Variants in SGCZ observed in about 807,000 individuals in gnomAD.
The protein encoded by SGCZ is sarcoglycan zeta.
SGCZ carries 40 observed loss-of-function variants against 41.3 expected under a neutral mutation model. The observed-to-expected ratio is 0.97, with a 90% CI of 0.75 to 1.26. The LOEUF (loss-of-function observed/expected upper bound fraction) is 1.26. Ranked by LOEUF, SGCZ falls within the 50% of genes most tolerant of loss-of-function variation. The pLI is 0.00. For missense variants in SGCZ, 552 were observed against 369.8 expected, an observed-to-expected ratio of 1.49 and a Z score of -4.04; for synonymous variants, 206 against 137.5, an observed-to-expected ratio of 1.50 and a Z score of -3.49.
intron 2 of SGCZ, among the ~76,000 whole-genome samples, chr8:14,427,591 C>T (rs779721257): frequency 9.9e-5 from 15 of 152,160 alleles, no homozygotes; most frequent in Non-Finnish European, 1.9e-4. Flanking sequence ...TACTAGACCC[C>T]TCCATCTTTT....
chr8:14,889,428 C>G (rs1804930094), intron 1 of SGCZ, among the ~76,000 whole-genome samples: 1 of 152,000 alleles, frequency 6.6e-6, no homozygotes, highest in East Asian at 1.9e-4. Context: ...TTAGATAATC[C>G]TGAAACAGGA....
At chr8:15,091,028 G>C (rs1052120737) in intron 1 of SGCZ, among the ~76,000 whole-genome samples, 3 of 152,068 alleles carry the variant, frequency 2.0e-5, no homozygotes, top group African/African-American at 7.2e-5. Context: ...TACATATTTA[G>C]AATGAAAATG....
intron 1 of SGCZ, among the ~76,000 whole-genome samples, chr8:14,687,547 G>C (rs1419847236): frequency 6.6e-6 from 1 of 151,736 alleles, no homozygotes; most frequent in Non-Finnish European, 1.5e-5. Context: ...TGGCTGCATA[G>C]TATTCCATGG....
At chr8:14,869,359 G>T (rs1414750425) in intron 1 of SGCZ, among the ~76,000 whole-genome samples, 1 of 152,134 alleles carries the variant, frequency 6.6e-6, no homozygotes, top group Non-Finnish European at 1.5e-5. Context: ...CTCAATAGAT[G>T]CAGAAAAATC....
chr8:15,031,052 C>G (rs1803641614), intron 1 of SGCZ, among the ~76,000 whole-genome samples: 1 of 151,932 alleles, frequency 6.6e-6, no homozygotes, highest in Non-Finnish European at 1.5e-5. Flanking sequence ...TTTAGATTCT[C>G]AAATCATATT....
intron 1 of SGCZ, among the ~76,000 whole-genome samples, chr8:15,152,125 A>T (rs1215930118): frequency 6.6e-6 from 1 of 152,208 alleles, no homozygotes; most frequent in Admixed American, 6.6e-5. Context: ...TTAAAAACTG[A>T]GATGTCCTGA....
chr8:14,165,667 T>G (rs916158902), intron 4 of SGCZ, among the ~76,000 whole-genome samples: 1 of 152,156 alleles, frequency 6.6e-6, no homozygotes, highest in African/African-American at 2.4e-5. Context: ...TCTTATCAGA[T>G]AGAACCCAGC....
chr8:14,882,871 C>T (rs918335704), intron 1 of SGCZ, among the ~76,000 whole-genome samples: 4 of 152,002 alleles, frequency 2.6e-5, no homozygotes, highest in African/African-American at 9.7e-5. Context: ...TTGTTATGTT[C>T]TCCCTCCTTC....
At chr8:14,774,783 T>C (rs1470465912) in intron 1 of SGCZ, among the ~76,000 whole-genome samples, 1 of 152,194 alleles carries the variant, frequency 6.6e-6, no homozygotes, top group Non-Finnish European at 1.5e-5. Flanking sequence ...TGAACAAGTA[T>C]TACTATCCTT....
intron 1 of SGCZ, among the ~76,000 whole-genome samples, chr8:14,718,977 A>G (rs1168650058): frequency 2.1e-5 from 3 of 145,336 alleles, no homozygotes; most frequent in Non-Finnish European, 4.5e-5. Context: ...AGCATTAGGT[A>G]TATCTTCCAA....
chr8:14,839,883 G>C (rs1166596102), intron 1 of SGCZ, among the ~76,000 whole-genome samples: 1 of 152,058 alleles, frequency 6.6e-6, no homozygotes, highest in African/African-American at 2.4e-5. Flanking sequence ...AAGGATCAAT[G>C]TCATTTTAAA....
chr8:14,404,937 C>T (rs1334171789), intron 2 of SGCZ, among the ~76,000 whole-genome samples: 3 of 152,144 alleles, frequency 2.0e-5, no homozygotes, highest in African/African-American at 4.8e-5. Flanking sequence ...TGGCTATTGC[C>T]GGCAGTGGCT....
chr8:14,447,661 A>C (rs891885683), intron 2 of SGCZ, among the ~76,000 whole-genome samples: 1 of 152,174 alleles, frequency 6.6e-6, no homozygotes, highest in African/African-American at 2.4e-5. Context: ...ATCCACAATG[A>C]AGGATGAATT....
intron 5 of SGCZ, among the ~76,000 whole-genome samples, chr8:14,129,604 A>G (rs145718314): frequency 1.3e-5 from 2 of 152,114 alleles, no homozygotes; most frequent in African/African-American, 4.8e-5. Context: ...CATCCATTAT[A>G]AAAGAAGAAA....
chr8:14,892,447 T>C (rs1045811478), intron 1 of SGCZ, among the ~76,000 whole-genome samples: 3 of 152,316 alleles, frequency 2.0e-5, no homozygotes, highest in South Asian at 4.1e-4. Context: ...CTCTGTAACA[T>C]TTAAAAAGAA....
intron 1 of SGCZ, among the ~76,000 whole-genome samples, chr8:15,117,894 G>A (rs1237740514): frequency 6.6e-6 from 1 of 152,140 alleles, no homozygotes; most frequent in Non-Finnish European, 1.5e-5. Context: ...ACCCACTTAT[G>A]CCTTAGGTAT....
intron 1 of SGCZ, among the ~76,000 whole-genome samples, chr8:15,174,394 C>T (rs1333154553): frequency 6.6e-6 from 1 of 152,080 alleles, no homozygotes; most frequent in Non-Finnish European, 1.5e-5. Flanking sequence ...TATATAACCC[C>T]AGAGGCAAAA....
At chr8:14,362,205 A>G (rs934884995) in intron 2 of SGCZ, among the ~76,000 whole-genome samples, 1 of 152,196 alleles carries the variant, frequency 6.6e-6, no homozygotes, top group Non-Finnish European at 1.5e-5. Context: ...TGGGAGAAGC[A>G]CTACTCTCCT....
At chr8:14,160,982 A>C (rs1026827642) in intron 5 of SGCZ, among the ~76,000 whole-genome samples, 1 of 152,232 alleles carries the variant, frequency 6.6e-6, no homozygotes, top group African/African-American at 2.4e-5. Flanking sequence ...TAATTCCTAT[A>C]AATATTGCTT....
Sources: gnomAD v4.1 joint callset for allele counts (sites outside exome capture counted in the v4.1 genomes callset) on GRCh38, gnomAD v4.1.1 for gene constraint, MANE v1.5 for transcripts, NCBI Gene and HGNC (gene_info 2026-07-23, HGNC 2026-07-21) for gene names.